COL4A1: variants seen among roughly 807,000 people sequenced by gnomAD.
COL4A1 encodes collagen type IV alpha 1 chain.
A neutral mutation model predicts 216.6 loss-of-function variants in COL4A1; 40 were observed. The ratio of observed to expected loss-of-function variants is 0.18; its 90% CI spans 0.14 to 0.24. The LOEUF (loss-of-function observed/expected upper bound fraction) is 0.24. Ranked by LOEUF, COL4A1 falls within the 10% of genes least tolerant of loss-of-function variation. The probability of loss-of-function intolerance (pLI) is 1.00; values close to 1 mark genes in which losing one functional copy is unlikely to be tolerated. For missense variants in COL4A1, 1,628 were observed against 2,196.8 expected (o/e 0.74, Z 5.18); for synonymous variants, 839 against 810.7 (o/e 1.03, Z -0.59).
chr13:110,253,764 G>GTATGTATTACATATACATATAATTATACA, intron 1 of COL4A1, among the ~76,000 whole-genome samples: 1 of 121,814 alleles, frequency 8.2e-6, no homozygotes, highest in Non-Finnish European at 1.9e-5. Context: ...ATAATTATAC[G>GTATGTATTACATATACATATAATTATACA]TATGTATGTA....
At chr13:110,270,751 C>T (rs979208996) in intron 1 of COL4A1, among the ~76,000 whole-genome samples, 8 of 152,218 alleles carry the variant, frequency 5.3e-5, no homozygotes, top group African/African-American at 1.9e-4. Flanking sequence ...TCTCTAACAG[C>T]GACCATTTAC....
chr13:110,174,050 A>G (rs763744281), intron 39 of COL4A1, 52 bp from the exon 40 acceptor site: 1 of 1,595,532 alleles, frequency 6.3e-7, no homozygotes, highest in Non-Finnish European at 8.6e-7. Context: ...ACAGCACCCT[A>G]GCTGCCATAC....
Position 110,206,661 on chromosome 13 carries a change from T to C in COL4A1, c.858+4A>G. On this transcript the variant is annotated splice_donor_region_variant and intron_variant, in intron 15 of 51. Transcript: ENST00000375820. ...ATGATAAAAGGACTTTGGAAAGCAC[T>C]TACTCTGGGTCCTGGTTTTCCGGGT... The C allele has an allele frequency of 6.2e-7, 1 of 1,614,138 alleles. No individual in the cohort carries two copies. The highest frequency in any genetic ancestry group is 8.5e-7 in the Non-Finnish European group (1 of 1,179,972).
chr13:110,168,929 C>G (rs1877471705), intron 43 of COL4A1, among the ~76,000 whole-genome samples: 1 of 152,170 alleles, frequency 6.6e-6, no homozygotes, highest in Admixed American at 6.5e-5. Flanking sequence ...AATGAGCGAG[C>G]CACGTAAACA....
chr13:110,150,793 T>C (rs934101952), intron 51 of COL4A1, among the ~76,000 whole-genome samples: 5 of 152,202 alleles, frequency 3.3e-5, no homozygotes, highest in African/African-American at 1.2e-4. Context: ...TCACTTTTTT[T>C]CCATTCTCCT....
intron 45 of COL4A1, among the ~76,000 whole-genome samples, chr13:110,165,741 T>C (rs1877309565): frequency 1.3e-5 from 2 of 152,190 alleles, no homozygotes; most frequent in African/African-American, 4.8e-5. Flanking sequence ...GGATGAATAC[T>C]GTGCTTAAAC....
intron 1 of COL4A1, among the ~76,000 whole-genome samples, chr13:110,294,954 T>A (rs1228974792): frequency 6.6e-6 from 1 of 152,264 alleles, no homozygotes; most frequent in Non-Finnish European, 1.5e-5. Context: ...GGTCTACTTA[T>A]GTAGTGTATA....
At chr13:110,219,724 GTGTGTA>G (rs1880311720) in intron 2 of COL4A1, among the ~76,000 whole-genome samples, 2 of 114,784 alleles carry the variant, frequency 1.7e-5, no homozygotes, top group African/African-American at 7.0e-5. Context: ...GTATATATAT[GTGTGTA>G]TATATATGTA....
At chr13:110,212,293 A>T in intron 6 of COL4A1, 124 bp downstream of exon 6, 2 of 1,200,464 alleles carry the variant, frequency 1.7e-6, no homozygotes, top group Non-Finnish European at 2.5e-6. Flanking sequence ...AGCAAACTTT[A>T]AGACAAGCAA....
rs1440745452 is a variant in COL4A1 at position 110,232,091 on chromosome 13, T to A, written c.144+10584A>T. On this transcript the variant is annotated intron_variant, in intron 2 of 51. Coordinates refer to ENST00000375820, the MANE Select transcript of COL4A1 (RefSeq NM_001845.6). ...TTAGAAATTAGCCAGGAATCACTGT[T>A]AGCTTCTCGTGTCAGATTCTCATGT... 2.6e-5 allele frequency among the ~76,000 whole-genome samples: 4 copies of A among 152,240 alleles called. No homozygotes were observed. In the East Asian group the frequency reaches 7.7e-4, roughly 29 times the overall value.
At chr13:110,297,630 A>T (rs1884327855) in intron 1 of COL4A1, among the ~76,000 whole-genome samples, 1 of 152,208 alleles carries the variant, frequency 6.6e-6, no homozygotes, top group Admixed American at 6.5e-5. Flanking sequence ...GCAGTCTCAG[A>T]ACTTAAATGA....
chr13:110,186,887 C>G (rs1878428781), intron 25 of COL4A1, among the ~76,000 whole-genome samples: 1 of 152,194 alleles, frequency 6.6e-6, no homozygotes, highest in Non-Finnish European at 1.5e-5. Context: ...TACACAAACA[C>G]ATCTGTTCAG....
chr13:110,196,967 G>GAATTTACTAAATTT (rs1424070957), intron 21 of COL4A1, among the ~76,000 whole-genome samples: 190 of 152,104 alleles, frequency 1.2e-3, no homozygotes, highest in Non-Finnish European at 2.1e-3. Flanking sequence ...AATTTACGTG[G>GAATTTACTAAATTT]ACTAAAAAGG....
intron 1 of COL4A1, among the ~76,000 whole-genome samples, chr13:110,252,783 T>C (rs78471929): frequency 1.4e-5 from 2 of 142,766 alleles, no homozygotes; most frequent in South Asian, 2.2e-4. Flanking sequence ...AAACATATAA[T>C]TATAAGTATG....
At chr13:110,258,821 A>G (rs1280749635) in intron 1 of COL4A1, among the ~76,000 whole-genome samples, 2 of 152,268 alleles carry the variant, frequency 1.3e-5, no homozygotes, top group African/African-American at 2.4e-5. Flanking sequence ...TAAATCCTTA[A>G]ATCATTAAAT....
At position 110,155,235 on chromosome 13, in the gene COL4A1, G is replaced by C. The variant is rs753023231; in HGVS notation, c.4755+48C>G. The C allele has an allele frequency of 7.8e-6, 11 of 1,404,120 alleles. No homozygotes were observed. In the East Asian group the frequency reaches 1.8e-4, roughly 23 times the overall value. 87.0% of individuals were successfully genotyped at this position (1,404,120 alleles called of 1,614,324 possible). A position where few individuals can be genotyped will look rare whatever the true frequency, so the allele number is the denominator to read the frequency against. On this transcript the variant is annotated intron_variant, in intron 50 of 51. Coordinates refer to ENST00000375820, the MANE Select transcript of COL4A1 (RefSeq NM_001845.6). ...CACCAGACAGAGGCGACTATGGGGC[G>C]TGAGTGGGGCTCTTCCCGGGAAATA...
chr13:110,236,100 C>CT (rs567428000), intron 2 of COL4A1, among the ~76,000 whole-genome samples: 2 of 152,174 alleles, frequency 1.3e-5, no homozygotes, highest in South Asian at 4.1e-4. Context: ...TTCTAAGGCA[C>CT]TTTGACAATT....
At chr13:110,252,450 TGTATTATATACATATAATTATATGTATTA>T in intron 1 of COL4A1, among the ~76,000 whole-genome samples, 1 of 75,938 alleles carries the variant, frequency 1.3e-5, no homozygotes, top group South Asian at 4.8e-4. Context: ...TATACGTATA[TGTATTATATACATATAATTATATGTATTA>T]TATATACGTA....
At chr13:110,152,299 C>G (rs1390153902) in intron 51 of COL4A1, 35 bp downstream of exon 51, 2 of 1,613,096 alleles carry the variant, frequency 1.2e-6, no homozygotes, top group Admixed American at 3.3e-5. Flanking sequence ...CACAAAGGGG[C>G]CAGCAGCCTG....
Sources: allele counts gnomAD v4.1 joint callset (sites outside exome capture counted in the v4.1 genomes callset), GRCh38; gene constraint gnomAD v4.1.1; transcripts MANE v1.5; gene names NCBI Gene and HGNC (gene_info 2026-07-23, HGNC 2026-07-21).